ZGRF1: variants seen among roughly 807,000 people sequenced by gnomAD.
ZGRF1 encodes zinc finger GRF-type containing 1.
A neutral mutation model predicts 203.5 loss-of-function variants in ZGRF1; 196 were observed. The observed-to-expected ratio is 0.96, with a 90% CI of 0.86 to 1.08. The LOEUF (loss-of-function observed/expected upper bound fraction) is 1.08. Among genes scored for constraint, ZGRF1 ranks in the 50% least tolerant of loss-of-function variants. The pLI, the probability that ZGRF1 is intolerant of heterozygous loss-of-function variation, is 0.00. For synonymous variants in ZGRF1, 809 were observed against 841.3 expected, an observed-to-expected ratio of 0.96 and a Z score of 0.66; for missense variants, 2,326 against 2,416.3, an observed-to-expected ratio of 0.96 and a Z score of 0.78.
At chr4:112,606,166 A>G (rs1276642499) in intron 8 of ZGRF1, 75 bp from the exon 9 acceptor site, 7 of 989,040 alleles carry the variant, frequency 7.1e-6, no homozygotes, top group Non-Finnish European at 1.1e-5. Flanking sequence ...TGATGGAAAA[A>G]TAATTGCAAA....
chr4:112,628,414 C>G lies in ZGRF1; in HGVS notation c.102+3516G>C, dbSNP rs575492065. 4.6e-5 allele frequency among the ~76,000 whole-genome samples: 7 copies of G among 152,326 alleles called. No individual in the cohort carries two copies. In the South Asian group the frequency reaches 1.5e-3, roughly 32 times the overall value. On this transcript the variant is annotated intron_variant, in intron 3 of 27. Coordinates refer to ENST00000505019, the MANE Select transcript of ZGRF1 (RefSeq NM_018392.5). Reference sequence around the variant, plus strand: ...TCTACTTGACATTTGATGCTAACTGCTCTTCTACTCTGCATCCACCTATTT... The same window carrying G: ...TCTACTTGACATTTGATGCTAACTGGTCTTCTACTCTGCATCCACCTATTT...
chr4:112,576,054 C>T (rs1476939240), intron 16 of ZGRF1, among the ~76,000 whole-genome samples: 15 of 152,208 alleles, frequency 9.9e-5, no homozygotes, highest in Admixed American at 2.6e-4. Context: ...ACAACTCACA[C>T]GGCTGGGTAC....
chr4:112,597,091 G>A (rs939450548), intron 10 of ZGRF1, among the ~76,000 whole-genome samples: 1 of 151,596 alleles, frequency 6.6e-6, no homozygotes, highest in Admixed American at 6.6e-5. Flanking sequence ...GTGCACGCCT[G>A]TAGTCCCAGC....
chr4:112,558,208 G>A lies in ZGRF1; in HGVS notation c.5062C>T (p.Pro1688Ser). 2.5e-6 allele frequency: 4 copies of A among 1,608,374 alleles called. No homozygotes were observed. Among genetic ancestry groups the A allele is most frequent in the South Asian group, 1.1e-5 (1 of 89,860 alleles). ...GAAGAAGAAATCAGAAGTTTCCACG[G>A]CCTTGCATTTCCAATGGTGGGAGCT... ...SEAPTIGNAR[P>S]WKLLISSSTN... is the part of the protein sequence containing the mutation. Residue 1688 changes from proline to serine, a missense_variant, in exon 20 of 28, where the codon CCG becomes TCG. Transcript: ENST00000505019.
chr4:112,612,615 A>G (rs774855759), intron 6 of ZGRF1, 27 bp from the exon 7 acceptor site: 37 of 1,418,228 alleles, frequency 2.6e-5, no homozygotes, highest in Non-Finnish European at 3.6e-5. Context: ...AAATAATCAT[A>G]TCATTGTTAT....
chr4:112,551,261 G>A (rs1166253736), intron 22 of ZGRF1, among the ~76,000 whole-genome samples: 1 of 152,178 alleles, frequency 6.6e-6, no homozygotes, highest in Non-Finnish European at 1.5e-5. Context: ...GTGTGTAGTA[G>A]GCTATACCAT....
rs1186021660 is a variant in ZGRF1 at position 112,539,582 on chromosome 4, C to T, written c.6280G>A (p.Glu2094Lys). 6.7e-7 allele frequency: 1 copy of T among 1,499,358 alleles called. No homozygotes were observed. The highest frequency in any genetic ancestry group is 1.4e-5 in the African/African-American group (1 of 72,308). 92.9% of individuals were successfully genotyped at this position (1,499,358 alleles called of 1,614,324 possible). A position where few individuals can be genotyped will look rare whatever the true frequency, so the allele number is the denominator to read the frequency against. The change falls in exon 28 of 28, where the codon GAA (glutamate) becomes AAA (lysine). Residue 2094 changes from glutamate (E) to lysine (K), a missense_variant. Transcript: ENST00000505019. ...QVEEKQKKKS[E>K]KEKSKDKSHS is the part of the protein sequence containing the mutation. ...GATTTATCTTTAGATTTCTCTTTTT[C>T]ACTCTTTTTCTTCTGTTTTTCTTCC...
intron 22 of ZGRF1, 61 bp from the exon 23 acceptor site, chr4:112,548,441 T>A: frequency 7.3e-7 from 1 of 1,361,216 alleles, no homozygotes; most frequent in Non-Finnish European, 1.0e-6. Context: ...GAGAACGTAT[T>A]TACCAAAGAA....
Position 112,569,011 on chromosome 4 carries a change from T to C in ZGRF1, c.4439-5737A>G, listed in dbSNP as rs141550116. 3.9e-4 allele frequency among the ~76,000 whole-genome samples: 60 copies of C among 151,906 alleles called. No individual in the cohort carries two copies. In the East Asian group the frequency reaches 6.4e-3, roughly 16 times the overall value. On this transcript the variant is annotated intron_variant, in intron 16 of 27. Coordinates refer to ENST00000505019, the MANE Select transcript of ZGRF1 (RefSeq NM_018392.5). ...AGCCTGGCGACAGAGCAAGACTCCA[T>C]CTCAGAAAAAAAAATAAAATCACAG...
chr4:112,623,348 C>A (rs936185284), intron 4 of ZGRF1, among the ~76,000 whole-genome samples: 14 of 152,138 alleles, frequency 9.2e-5, no homozygotes, highest in African/African-American at 2.9e-4. Context: ...GGTAGAACAA[C>A]TTATATTCCT....
At chr4:112,628,721 T>C (rs529013013) in intron 3 of ZGRF1, 8 of 453,514 alleles carry the variant, frequency 1.8e-5, no homozygotes, top group East Asian at 7.0e-5. Context: ...ATGTATGCTA[T>C]AGTTGAAGAT....
In ZGRF1 at chr4:112,581,773, T is replaced by C; in HGVS notation, c.4328A>G (p.Tyr1443Cys). 1 of 1,474,392 alleles carries C rather than the reference T, an allele frequency of 6.8e-7. No individual in the cohort carries two copies. Among genetic ancestry groups the C allele is most frequent in the Non-Finnish European group, 9.1e-7 (1 of 1,099,942 alleles). 91.3% of individuals were successfully genotyped at this position (1,474,392 alleles called of 1,614,324 possible). Reference sequence around the variant, plus strand: ...AGTAGTAAACTTCTTTAGTTTGCCATACTGTTTTCTCTGAAAATCAAATCC... The same window carrying C: ...AGTAGTAAACTTCTTTAGTTTGCCACACTGTTTTCTCTGAAAATCAAATCC... The part of the protein sequence containing the change: ...RKGFDFQRKQ[Y>C]GKLKKFTTVN... Residue 1443 changes from tyrosine (Y) to cysteine (C), a missense_variant, in exon 16 of 28, where the codon TAT (tyrosine) becomes TGT (cysteine). Transcript: ENST00000505019.
intron 22 of ZGRF1, among the ~76,000 whole-genome samples, chr4:112,550,627 C>T (rs955089112): frequency 1.3e-5 from 2 of 152,046 alleles, no homozygotes; most frequent in South Asian, 2.1e-4. Flanking sequence ...CTGAAGCAGG[C>T]GGATCGCTTA....
At chr4:112,557,750 A>G (rs1178138531) in intron 20 of ZGRF1, among the ~76,000 whole-genome samples, 30 of 152,204 alleles carry the variant, frequency 2.0e-4, no homozygotes. Context: ...ACATTACTTC[A>G]TCAGTCAAAG....
intron 10 of ZGRF1, among the ~76,000 whole-genome samples, chr4:112,594,117 T>C (rs985536553): frequency 6.6e-6 from 1 of 152,136 alleles, no homozygotes; most frequent in Non-Finnish European, 1.5e-5. Context: ...ATTTCCTACA[T>C]AGCAATTATC....
At chr4:112,570,984 G>C (rs1744104329) in intron 16 of ZGRF1, among the ~76,000 whole-genome samples, 2 of 151,756 alleles carry the variant, frequency 1.3e-5, no homozygotes, top group South Asian at 4.2e-4. Context: ...GGTGCCTGTA[G>C]TCCCAGCTAC....
rs1478128583 is a variant in ZGRF1, at chr4:112,539,939, C to A, written c.6096G>T (p.Arg2032Ser). 1.2e-6 allele frequency: 2 copies of A among 1,613,852 alleles called. No individual in the cohort carries two copies. The highest frequency in any genetic ancestry group is 1.3e-5 in the African/African-American group (1 of 75,058). The change falls in exon 27 of 28, where the codon AGG becomes AGT. Residue 2032 changes from arginine (R) to serine (S), a missense_variant. Arg to Ser is a moderately radical substitution (Grantham distance 110). Transcript: ENST00000505019. ...RMNVALTRGK[R>S]HLLIVGNLAC... ...CTAAATTTCCCACAATCAACAAATG[C>A]CTCTTTCCTCTAGTCAATGCAACAT...
In ZGRF1 at chr4:112,618,850, AG is replaced by A. The variant is rs777387916; in HGVS notation, c.1191del (p.Trp398GlyfsTer5). ...VDQSVGNNDP[S>X]WNQEVKLEIP... ...ATTTCTAATTTTACTTCCTGATTCC[AG>A]GATGGATCATTATTACCGACTGACT... On this transcript the variant is annotated frameshift_variant, in exon 6 of 28. Coordinates refer to ENST00000505019, the MANE Select transcript of ZGRF1 (RefSeq NM_018392.5). LOFTEE classifies it high-confidence loss of function. 6.2e-7 allele frequency: 1 copy of A among 1,613,536 alleles called. No homozygotes were observed. Among genetic ancestry groups the A allele is most frequent in the South Asian group, 1.1e-5 (1 of 91,068 alleles).
intron 18 of ZGRF1, 198 bp from the exon 19 acceptor site, chr4:112,561,193 T>A (rs1019956309): frequency 5.4e-6 from 3 of 551,712 alleles, no homozygotes; most frequent in African/African-American, 3.8e-5. Context: ...CTGACGTTTG[T>A]TGAATACTTA....
Sources: gnomAD v4.1 joint callset for allele counts (sites outside exome capture counted in the v4.1 genomes callset) on GRCh38, gnomAD v4.1.1 for gene constraint, MANE v1.5 for transcripts, NCBI Gene and HGNC (gene_info 2026-07-23, HGNC 2026-07-21) for gene names.